GRIK4: variants seen among roughly 807,000 people sequenced by gnomAD.
GRIK4 encodes the protein glutamate receptor ionotropic, kainate 4.
GRIK4 carries 40 observed loss-of-function variants against 104.9 expected under a neutral mutation model. That is an observed-to-expected ratio of 0.38 (90% CI 0.30 to 0.50). The LOEUF (loss-of-function observed/expected upper bound fraction) is 0.50. Among genes scored for constraint, GRIK4 ranks in the 20% least tolerant of loss-of-function variants. GRIK4 has a pLI of 0.93. For synonymous variants in GRIK4, 485 were observed against 524.9 expected, an observed-to-expected ratio of 0.92 and a Z score of 1.04; for missense variants, 1,047 against 1,308.1, an observed-to-expected ratio of 0.80 and a Z score of 3.08.
At position 120,900,208 on chromosome 11, in the gene GRIK4, C is replaced by T. The variant is rs192405826; in HGVS notation, c.1272+1569C>T. On this transcript the variant is annotated intron_variant, in intron 12 of 20. Transcript: ENST00000527524. ...AGAGGTCAATGAAGGAGGGCATTGT[C>T]GGGTGTTCAGGAAAAGCTGAAAGGT... is the stretch of plus-strand genomic sequence containing the variant. Among the ~76,000 whole-genome samples the T allele has an allele frequency of 1.7e-3, 258 of 152,078 alleles. 3 individuals carry two copies. The highest frequency in any genetic ancestry group is 1.2e-3 in the South Asian group (6 of 4,806).
At chr11:120,878,358 G>A (rs1350527486) in intron 11 of GRIK4, among the ~76,000 whole-genome samples, 1 of 152,170 alleles carries the variant, frequency 6.6e-6, no homozygotes, top group Admixed American at 6.5e-5. Context: ...GATGATTACA[G>A]TGCAGGTGGT....
chr11:120,637,698 G>A (rs1335208176), intron 1 of GRIK4, among the ~76,000 whole-genome samples: 1 of 152,100 alleles, frequency 6.6e-6, no homozygotes, highest in Non-Finnish European at 1.5e-5. Flanking sequence ...TGGTTTAAAT[G>A]TTCATTTGTC....
intron 19 of GRIK4, among the ~76,000 whole-genome samples, chr11:120,977,644 A>G (rs1020757147): frequency 6.6e-6 from 1 of 152,232 alleles, no homozygotes. Context: ...CCACTCAGCC[A>G]GGAATCAGGA....
intron 3 of GRIK4, among the ~76,000 whole-genome samples, chr11:120,756,272 C>G (rs1314262822): frequency 6.6e-6 from 1 of 152,228 alleles, no homozygotes; most frequent in Non-Finnish European, 1.5e-5. Flanking sequence ...TCCTCCCCCT[C>G]CAGCAAGATG....
chr11:120,525,471 A>T (rs1426543466), intron 1 of GRIK4, among the ~76,000 whole-genome samples: 1 of 152,100 alleles, frequency 6.6e-6, no homozygotes, highest in Admixed American at 6.5e-5. Flanking sequence ...AGCCCCATTC[A>T]TACTGGGCAG....
intron 1 of GRIK4, among the ~76,000 whole-genome samples, chr11:120,579,935 T>G (rs1246174621): frequency 6.6e-6 from 1 of 151,880 alleles, no homozygotes; most frequent in Non-Finnish European, 1.5e-5. Flanking sequence ...TGGCGACCAC[T>G]GATCGTGTTC....
chr11:120,685,964 GA>G (rs1165242389), intron 3 of GRIK4, among the ~76,000 whole-genome samples: 4 of 152,144 alleles, frequency 2.6e-5, no homozygotes, highest in African/African-American at 9.7e-5. Context: ...GCTGTGCGCA[GA>G]GTTCAACATG....
chr11:120,674,961 C>T (rs1319764478), intron 3 of GRIK4, among the ~76,000 whole-genome samples: 2 of 152,196 alleles, frequency 1.3e-5, no homozygotes, highest in Non-Finnish European at 2.9e-5. Flanking sequence ...ATTTTCCTTG[C>T]ACCTCCTGGA....
At chr11:120,674,130 C>T (rs1378533681) in intron 3 of GRIK4, among the ~76,000 whole-genome samples, 1 of 152,202 alleles carries the variant, frequency 6.6e-6, no homozygotes, top group Non-Finnish European at 1.5e-5. Flanking sequence ...TTTGATGGTT[C>T]CTTCCATCTC....
chr11:120,667,820 A>G (rs1201771667), intron 3 of GRIK4, among the ~76,000 whole-genome samples: 13 of 152,244 alleles, frequency 8.5e-5, no homozygotes, highest in Non-Finnish European at 1.6e-4. Context: ...ACACAGTCCT[A>G]TAGCTGGGCA....
chr11:120,597,054 C>T (rs573202917), intron 1 of GRIK4, among the ~76,000 whole-genome samples: 1 of 152,200 alleles, frequency 6.6e-6, no homozygotes, highest in African/African-American at 2.4e-5. Flanking sequence ...GTTCTCCCCT[C>T]ACTTGGGGCT....
intron 1 of GRIK4, among the ~76,000 whole-genome samples, chr11:120,638,185 T>G (rs1949423291): frequency 6.6e-6 from 1 of 152,046 alleles, no homozygotes; most frequent in South Asian, 2.1e-4. Context: ...TGGTCATGTT[T>G]TATTATTAAT....
intron 2 of GRIK4, among the ~76,000 whole-genome samples, chr11:120,657,295 A>G (rs1011747050): frequency 9.9e-5 from 15 of 152,200 alleles, no homozygotes; most frequent in African/African-American, 3.4e-4. Context: ...AACTTTATCC[A>G]TAATAAGTAA....
chr11:120,691,150 AT>A (rs1379749485), intron 3 of GRIK4, among the ~76,000 whole-genome samples: 10 of 152,174 alleles, frequency 6.6e-5, no homozygotes, highest in African/African-American at 2.4e-4. Flanking sequence ...ACGCTGTTGC[AT>A]GTTTCTCATT....
At chr11:120,611,557 C>T (rs974936691) in intron 1 of GRIK4, among the ~76,000 whole-genome samples, 2 of 152,296 alleles carry the variant, frequency 1.3e-5, no homozygotes, top group African/African-American at 4.8e-5. Context: ...TTTGCTTTCA[C>T]GGCTGCAGCC....
chr11:120,796,007 T>C (rs1170088409), intron 3 of GRIK4, among the ~76,000 whole-genome samples: 4 of 148,042 alleles, frequency 2.7e-5, no homozygotes, highest in East Asian at 4.0e-4. Flanking sequence ...TATTATTGTA[T>C]TGTTATTTTT....
chr11:120,823,407 C>T (rs964888928), intron 6 of GRIK4, among the ~76,000 whole-genome samples: 8 of 152,202 alleles, frequency 5.3e-5, no homozygotes, highest in African/African-American at 1.4e-4. Context: ...CAAACAGTTC[C>T]GTGCAGATGG....
At chr11:120,686,899 A>G (rs1591804365) in intron 3 of GRIK4, among the ~76,000 whole-genome samples, 1 of 152,230 alleles carries the variant, frequency 6.6e-6, no homozygotes, top group African/African-American at 2.4e-5. Flanking sequence ...TAACTCCAAC[A>G]TAAGTAACAG....
Position 120,616,074 on chromosome 11 carries a change from A to G in GRIK4, c.-158-37611A>G, listed in dbSNP as rs187371322. On this transcript the variant is annotated intron_variant, in intron 1 of 20. Transcript: ENST00000527524. ...ACCCGGGATCCATTACATTAGATCA[A>G]TCTAAGAGACCTTGGATTCTGCCAG... is the stretch of plus-strand genomic sequence containing the variant. Among the ~76,000 whole-genome samples, 357 of 152,208 alleles carry G rather than the reference A, an allele frequency of 2.3e-3. 2 individuals carry two copies. The highest frequency in any genetic ancestry group is 8.5e-4 in the Non-Finnish European group (58 of 68,010).
Sources: allele counts gnomAD v4.1 joint callset (sites outside exome capture counted in the v4.1 genomes callset), GRCh38; gene constraint gnomAD v4.1.1; transcripts MANE v1.5; gene names NCBI Gene and HGNC (gene_info 2026-07-23, HGNC 2026-07-21).